The following ANKRD55 variants were observed in gnomAD, a reference collection of about 807,000 sequenced individuals.
ANKRD55 encodes ankyrin repeat domain 55.
In ANKRD55, 41 loss-of-function variants were observed where a neutral mutation model predicts 60.6. That is an observed-to-expected ratio of 0.68 (90% CI 0.53 to 0.88). ANKRD55 has a LOEUF of 0.88. ANKRD55 is among the 40% of genes least tolerant of loss of function. ANKRD55 has a pLI of 0.00. For synonymous variants in ANKRD55, 264 were observed against 290.3 expected (o/e 0.91, Z 0.92); for missense variants, 732 against 767.6 (o/e 0.95, Z 0.55).
intron 11 of ANKRD55, among the ~76,000 whole-genome samples, chr5:56,101,793 T>G (rs1756283748): frequency 6.6e-6 from 1 of 152,118 alleles, no homozygotes; most frequent in African/African-American, 2.4e-5. Context: ...TTTTTTTTTC[T>G]GCTTAGGAAT....
At chr5:56,136,455 T>A (rs1757600369) in intron 7 of ANKRD55, among the ~76,000 whole-genome samples, 1 of 152,198 alleles carries the variant, frequency 6.6e-6, no homozygotes, top group African/African-American at 2.4e-5. Flanking sequence ...TAGACCCACA[T>A]AATCAACTGA....
At chr5:56,181,673 C>A (rs184650401) in intron 3 of ANKRD55, among the ~76,000 whole-genome samples, 14 of 152,248 alleles carry the variant, frequency 9.2e-5, no homozygotes, top group Admixed American at 3.3e-4. Flanking sequence ...TCACTGCAAC[C>A]TCCGCCTCCC....
At chr5:56,188,725 T>C (rs1318521595) in intron 2 of ANKRD55, among the ~76,000 whole-genome samples, 1 of 152,242 alleles carries the variant, frequency 6.6e-6, no homozygotes, top group East Asian at 1.9e-4. Flanking sequence ...TATAGCCTTG[T>C]AGTATAATTT....
At chr5:56,189,678 A>G (rs1206977133) in intron 2 of ANKRD55, among the ~76,000 whole-genome samples, 1 of 152,202 alleles carries the variant, frequency 6.6e-6, no homozygotes, top group Non-Finnish European at 1.5e-5. Context: ...AAGATTTAAT[A>G]ATATTTAATT....
chr5:56,185,349 C>T (rs1758945334), intron 2 of ANKRD55, among the ~76,000 whole-genome samples: 1 of 152,042 alleles, frequency 6.6e-6, no homozygotes, highest in Admixed American at 6.6e-5. Flanking sequence ...CCGTTCCTCC[C>T]ATGCACGCCT....
At chr5:56,155,298 A>G (rs1758164876) in intron 6 of ANKRD55, among the ~76,000 whole-genome samples, 1 of 152,180 alleles carries the variant, frequency 6.6e-6, no homozygotes, top group Non-Finnish European at 1.5e-5. Context: ...TGAAAAAAGC[A>G]GAAGCAAAGA....
At chr5:56,197,529 A>G (rs1358299944) in intron 2 of ANKRD55, among the ~76,000 whole-genome samples, 1 of 152,202 alleles carries the variant, frequency 6.6e-6, no homozygotes, top group East Asian at 1.9e-4. Flanking sequence ...TTCATAGAGC[A>G]CATAAAACCA....
intron 2 of ANKRD55, among the ~76,000 whole-genome samples, chr5:56,203,274 G>A (rs1474137739): frequency 6.6e-6 from 1 of 152,130 alleles, no homozygotes; most frequent in Non-Finnish European, 1.5e-5. Context: ...GATCATAGGG[G>A]TGGTTCCCCC....
intron 2 of ANKRD55, among the ~76,000 whole-genome samples, chr5:56,214,118 C>A (rs1362560765): frequency 6.6e-6 from 1 of 152,204 alleles, no homozygotes; most frequent in Non-Finnish European, 1.5e-5. Context: ...ACCACAAGAA[C>A]AGTATGGGGG....
At chr5:56,163,953 A>G (rs1758389844) in intron 5 of ANKRD55, among the ~76,000 whole-genome samples, 1 of 152,056 alleles carries the variant, frequency 6.6e-6, no homozygotes, top group African/African-American at 2.4e-5. Flanking sequence ...TTAGCCAGGC[A>G]TGATGGTGGG....
intron 1 of ANKRD55, 100 bp from the exon 2 acceptor site, chr5:56,233,046 A>G: frequency 1.3e-6 from 1 of 772,276 alleles, no homozygotes; most frequent in South Asian, 1.6e-5. Context: ...AATGTGCATC[A>G]GAGCTGCAGG....
intron 7 of ANKRD55, among the ~76,000 whole-genome samples, chr5:56,143,501 C>A (rs556975708): frequency 6.6e-6 from 1 of 152,214 alleles, no homozygotes; most frequent in African/African-American, 2.4e-5. Context: ...GGCATTTTCC[C>A]AGCAATTCTT....
At chr5:56,172,883 A>G (rs4293871) in intron 4 of ANKRD55, among the ~76,000 whole-genome samples, 36,051 of 152,210 alleles carry the variant, frequency 0.24, 7,014 homozygotes, top group African/African-American at 0.53. Flanking sequence ...AGTCAGGGAA[A>G]AAAAGCAGGC....
At chr5:56,146,576 G>C (rs549694638) in intron 6 of ANKRD55, among the ~76,000 whole-genome samples, 2 of 152,172 alleles carry the variant, frequency 1.3e-5, no homozygotes, top group Admixed American at 1.3e-4. Flanking sequence ...CACTGCACCC[G>C]GCCGAATTTC....
At position 56,163,781 on chromosome 5, in the gene ANKRD55, T is replaced by G. The variant is rs115694981; in HGVS notation, c.423-3888A>C. ...CACACAAAGCACTTGGAATAGCCCT[T>G]ACATGCCATAATAAAGTTTTATATG... On this transcript the variant is annotated intron_variant, in intron 5 of 11. Coordinates refer to ENST00000341048, the MANE Select transcript of ANKRD55 (RefSeq NM_024669.3). Among the ~76,000 whole-genome samples the G allele has an allele frequency of 5.4e-3, 830 of 152,334 alleles. 5 individuals carry two copies. Among genetic ancestry groups the G allele is most frequent in the Admixed American group, 8.6e-3 (132 of 15,302 alleles).
chr5:56,214,154 T>C (rs1759746738), intron 2 of ANKRD55, among the ~76,000 whole-genome samples: 1 of 152,208 alleles, frequency 6.6e-6, no homozygotes, highest in South Asian at 2.1e-4. Context: ...TTCAATTATC[T>C]CCACCTGGCC....
At chr5:56,145,797 T>C (rs889303372) in intron 6 of ANKRD55, among the ~76,000 whole-genome samples, 1 of 152,174 alleles carries the variant, frequency 6.6e-6, no homozygotes, top group African/African-American at 2.4e-5. Context: ...TCAAGTATCA[T>C]ATGACAGTGA....
chr5:56,176,051 A>G, intron 4 of ANKRD55, 101 bp downstream of exon 4: 1 of 1,450,374 alleles, frequency 6.9e-7, no homozygotes, highest in Non-Finnish European at 9.5e-7. Context: ...TCCTTTAGCC[A>G]GCTGCATAGA....
chr5:56,215,757 A>C (rs1292504361), intron 2 of ANKRD55, among the ~76,000 whole-genome samples: 1 of 152,198 alleles, frequency 6.6e-6, no homozygotes, highest in Non-Finnish European at 1.5e-5. Flanking sequence ...AATCTGTCTC[A>C]AAGTCTGTGG....
Sources: gnomAD v4.1 joint callset for allele counts (sites outside exome capture counted in the v4.1 genomes callset) on GRCh38, gnomAD v4.1.1 for gene constraint, MANE v1.5 for transcripts, NCBI Gene and HGNC (gene_info 2026-07-23, HGNC 2026-07-21) for gene names.